The following TNS3 variants were observed in gnomAD, a reference collection of about 807,000 sequenced individuals.
TNS3 encodes tensin-3.
A neutral mutation model predicts 140.9 loss-of-function variants in TNS3; 45 were observed. The ratio of observed to expected loss-of-function variants is 0.32; its 90% CI spans 0.25 to 0.41. The LOEUF is 0.41. Ranked by LOEUF, TNS3 falls within the 10% of genes least tolerant of loss-of-function variation. The pLI is 1.00. For synonymous variants in TNS3, 815 were observed against 788.4 expected (o/e 1.03, Z -0.56); for missense variants, 1,716 against 1,906.7 (o/e 0.90, Z 1.86).
rs1274412805 is a variant in TNS3 at position 47,276,065 on chromosome 7, C to T, written c.*2011G>A. The T allele has an allele frequency of 6.2e-6, 2 of 323,276 alleles. No individual in the cohort carries two copies. Among genetic ancestry groups the T allele is most frequent in the African/African-American group, 4.4e-5 (2 of 45,892 alleles). The allele number at this position is 323,276 out of a possible 1,614,324, so 20.0% of individuals were successfully genotyped here. A position where few individuals can be genotyped will look rare whatever the true frequency, so the allele number is the denominator to read the frequency against. The stretch of plus-strand genomic sequence containing the variant: ...TTGGGGAAAGTACAAACCTCTGCTC[C>T]CTGTGGCCACATTCCTGCAGTGGAT... On this transcript the variant is annotated 3_prime_UTR_variant, in exon 31 of 31. Transcript: ENST00000311160.
At chr7:47,403,606 AT>A (rs1305990311) in intron 13 of TNS3, among the ~76,000 whole-genome samples, 1 of 152,102 alleles carries the variant, frequency 6.6e-6, no homozygotes, top group Non-Finnish European at 1.5e-5. Context: ...TTTCCTCTTG[AT>A]TAATGGAGGT....
chr7:47,510,860 T>TAAA lies in TNS3; in HGVS notation c.-152-3919_-152-3917dup, dbSNP rs34323744. On this transcript the variant is annotated intron_variant, in intron 2 of 30. Coordinates refer to ENST00000311160, the MANE Select transcript of TNS3 (RefSeq NM_022748.12). ...CTGGGTGACAGAGTAAGACTGTCTTTAAAAAAAAAAAAAAAAAAAAGACTT... is the reference window on the plus strand; with the variant it reads ...CTGGGTGACAGAGTAAGACTGTCTTTAAAAAAAAAAAAAAAAAAAAAAAGACTT... 1.1e-3 allele frequency among the ~76,000 whole-genome samples: 145 copies of TAAA among 128,254 alleles called. 2 individuals carry two copies. Among genetic ancestry groups the TAAA allele is most frequent in the East Asian group, 1.8e-3 (8 of 4,420 alleles). The allele number at this position is 128,254 out of a possible 152,430, so 84.1% of individuals were successfully genotyped here.
chr7:47,338,693 A>G (rs988623292), intron 20 of TNS3, among the ~76,000 whole-genome samples: 1 of 152,160 alleles, frequency 6.6e-6, no homozygotes, highest in Non-Finnish European at 1.5e-5. Context: ...ACGTCTGCGG[A>G]GTACTTCGAT....
rs137952771 is a variant in TNS3, at chr7:47,302,481, G to A, written c.3458-209C>T. 7.0e-4 allele frequency among the ~76,000 whole-genome samples: 106 copies of A among 152,316 alleles called. 2 individuals are homozygous for A. The East Asian group carries it at 0.019, about 27-fold the overall frequency. ...ACAAAACAGAACAACAGGATGCTTG[G>A]ATTGAGCCTTTGCAATACATTTTAA... On this transcript the variant is annotated intron_variant, in intron 22 of 30. Transcript: ENST00000311160.
chr7:47,285,796 G>A (rs1196618645), intron 27 of TNS3, among the ~76,000 whole-genome samples: 1 of 152,222 alleles, frequency 6.6e-6, no homozygotes, highest in African/African-American at 2.4e-5. Context: ...ATTCATTACA[G>A]TGGGAAAAAC....
At chr7:47,503,083 T>A (rs1198760786) in intron 3 of TNS3, among the ~76,000 whole-genome samples, 1 of 152,182 alleles carries the variant, frequency 6.6e-6, no homozygotes, top group Non-Finnish European at 1.5e-5. Flanking sequence ...CTCCTGCGCA[T>A]GTTCCCCTCA....
intron 1 of TNS3, among the ~76,000 whole-genome samples, chr7:47,529,548 TA>T (rs1799319708): frequency 6.6e-6 from 1 of 152,236 alleles, no homozygotes; most frequent in Non-Finnish European, 1.5e-5. Context: ...CTGGAAAAAG[TA>T]ATTAGCTAAA....
chr7:47,530,836 A>ATATATATATATATATATAT (rs1236106676), intron 1 of TNS3, among the ~76,000 whole-genome samples: 3 of 33,280 alleles, frequency 9.0e-5, no homozygotes, highest in East Asian at 5.5e-4. Flanking sequence ...AAAAAAAAAA[A>ATATATATATATATATATAT]AAATATATAT....
intron 23 of TNS3, among the ~76,000 whole-genome samples, chr7:47,298,660 T>A (rs1237603364): frequency 2.6e-5 from 4 of 152,138 alleles, no homozygotes; most frequent in Admixed American, 1.3e-4. Context: ...CATGAACCAG[T>A]AAGTGCTGGG....
intron 16 of TNS3, among the ~76,000 whole-genome samples, chr7:47,391,239 C>G (rs559683010): frequency 3.3e-5 from 5 of 152,182 alleles, no homozygotes; most frequent in African/African-American, 9.7e-5. Context: ...GGTTGTTTCT[C>G]TTCAATTCTT....
chr7:47,378,326 C>T (rs1791529690), intron 16 of TNS3, among the ~76,000 whole-genome samples: 2 of 152,130 alleles, frequency 1.3e-5, no homozygotes, highest in Non-Finnish European at 2.9e-5. Context: ...ACTGACCTCC[C>T]GTCTCGAGAA....
At chr7:47,568,841 G>A (rs1800487709) in intron 1 of TNS3, among the ~76,000 whole-genome samples, 1 of 152,250 alleles carries the variant, frequency 6.6e-6, no homozygotes, top group African/African-American at 2.4e-5. Flanking sequence ...TGACACAATG[G>A]CCCTGAAGTG....
chr7:47,543,340 T>G (rs1288344886), intron 1 of TNS3, among the ~76,000 whole-genome samples: 1 of 152,202 alleles, frequency 6.6e-6, no homozygotes, highest in Non-Finnish European at 1.5e-5. Context: ...AGGGCCATGC[T>G]GGAGGGGGAA....
intron 4 of TNS3, among the ~76,000 whole-genome samples, chr7:47,453,977 C>T (rs940938903): frequency 6.6e-6 from 1 of 152,220 alleles, no homozygotes; most frequent in Non-Finnish European, 1.5e-5. Flanking sequence ...TTTGTGTGTG[C>T]TTTTTTGTAA....
At chr7:47,514,315 C>T (rs1339668183) in intron 2 of TNS3, among the ~76,000 whole-genome samples, 1 of 152,214 alleles carries the variant, frequency 6.6e-6, no homozygotes, top group Non-Finnish European at 1.5e-5. Flanking sequence ...AGTCCTAATA[C>T]TGCACCTGGC....
At chr7:47,561,695 C>T (rs1800322436) in intron 1 of TNS3, among the ~76,000 whole-genome samples, 1 of 152,134 alleles carries the variant, frequency 6.6e-6, no homozygotes, top group African/African-American at 2.4e-5. Flanking sequence ...GAATGAAAAA[C>T]ATGGCCACAA....
intron 16 of TNS3, among the ~76,000 whole-genome samples, chr7:47,370,688 GGCCTCCC>G (rs1453034983): frequency 6.6e-6 from 1 of 152,192 alleles, no homozygotes; most frequent in Non-Finnish European, 1.5e-5. Context: ...TCACCCCATG[GGCCTCCC>G]GCACTTTCTT....
intron 4 of TNS3, among the ~76,000 whole-genome samples, chr7:47,458,983 A>G (rs1796371762): frequency 6.6e-6 from 1 of 152,182 alleles, no homozygotes; most frequent in Admixed American, 6.5e-5. Flanking sequence ...GGACCCCTAA[A>G]TAAGTACGGG....
intron 1 of TNS3, among the ~76,000 whole-genome samples, chr7:47,562,490 G>A (rs745630343): frequency 1.2e-4 from 18 of 151,288 alleles, no homozygotes; most frequent in South Asian, 1.0e-3. Flanking sequence ...GGGTTCAAGC[G>A]ATTCTCCTGT....
Sources: allele counts gnomAD v4.1 joint callset (sites outside exome capture counted in the v4.1 genomes callset), GRCh38; gene constraint gnomAD v4.1.1; transcripts MANE v1.5; gene names NCBI Gene and HGNC (gene_info 2026-07-23, HGNC 2026-07-21).